CTNS: variants seen among roughly 807,000 people sequenced by gnomAD.
CTNS encodes the protein cystinosin.
CTNS carries 27 observed loss-of-function variants against 43.7 expected under a neutral mutation model. That is an observed-to-expected ratio of 0.62 (90% CI 0.46 to 0.85). CTNS has a LOEUF of 0.85. Among genes scored for constraint, CTNS ranks in the 40% least tolerant of loss-of-function variants. The pLI is 0.00. For missense variants in CTNS, 457 were observed against 475.4 expected, an observed-to-expected ratio of 0.96 and a Z score of 0.36; for synonymous variants, 187 against 190.6, an observed-to-expected ratio of 0.98 and a Z score of 0.16.
rs548772179 is a variant in CTNS, at chr17:3,656,581, A to C, written c.556A>C (p.Ile186Leu). The part of the protein sequence containing the change: ...FNIGLLWVPY[I>L]KEQFLLKYPN... ...CATCGGCCTCCTCTGGGTGCCCTAC[A>C]TCAAGGTACGGCCTTGCCTGCCCTA... Residue 186 changes from isoleucine to leucine, a missense_variant, in exon 8 of 12, where the codon ATC (isoleucine) becomes CTC (leucine). Transcript: ENST00000046640. The C allele has an allele frequency of 6.0e-5, 96 of 1,610,888 alleles. No individual in the cohort carries two copies. Among genetic ancestry groups the C allele is most frequent in the Non-Finnish European group, 8.0e-5 (94 of 1,179,232 alleles).
At chr17:3,649,161 C>T (rs917369351) in intron 5 of CTNS, among the ~76,000 whole-genome samples, 1 of 152,102 alleles carries the variant, frequency 6.6e-6, no homozygotes, top group Non-Finnish European at 1.5e-5. Context: ...GGAATGTAAA[C>T]GTTCTTACCG....
In CTNS at chr17:3,660,370, C is replaced by G; in HGVS notation, c.*1C>G. 1 of 1,614,174 alleles carries G rather than the reference C, an allele frequency of 6.2e-7. No homozygotes were observed. Among genetic ancestry groups the G allele is most frequent in the Middle Eastern group, 1.6e-4 (1 of 6,062 alleles). On this transcript the variant is annotated 3_prime_UTR_variant, in exon 12 of 12. Transcript: ENST00000046640. Reference sequence around the variant, plus strand: ...ACCGGGGTATGACCAGCTGAACTAGCACCCAGGGACCCAGTGTACCCAGCC... The same window carrying G: ...ACCGGGGTATGACCAGCTGAACTAGGACCCAGGGACCCAGTGTACCCAGCC...
chr17:3,638,603 C>T (rs558103346), intron 2 of CTNS, among the ~76,000 whole-genome samples: 4 of 152,306 alleles, frequency 2.6e-5, no homozygotes, highest in South Asian at 2.1e-4. Context: ...CTGCTGGCAT[C>T]GTTCCTCCAG....
intron 11 of CTNS, 113 bp downstream of exon 11, chr17:3,660,088 C>T: frequency 6.9e-7 from 1 of 1,446,628 alleles, no homozygotes; most frequent in Non-Finnish European, 9.7e-7. Context: ...CAAGCCAATC[C>T]AGCCCCCAAG....
intron 8 of CTNS, 27 bp from the exon 9 acceptor site, chr17:3,656,649 A>G: frequency 6.2e-7 from 1 of 1,611,692 alleles, no homozygotes; most frequent in Non-Finnish European, 8.5e-7. Flanking sequence ...GCCCCTCACC[A>G]CCCAGCTTCT....
chr17:3,638,286 G>A (rs1298043325), intron 2 of CTNS, among the ~76,000 whole-genome samples: 1 of 151,136 alleles, frequency 6.6e-6, no homozygotes, highest in African/African-American at 2.4e-5. Flanking sequence ...CACTCAGGCT[G>A]GAGTGCAATG....
Position 3,662,234 on chromosome 17 carries a change from C to A in CTNS, c.*1865C>A, listed in dbSNP as rs1418485463. On this transcript the variant is annotated 3_prime_UTR_variant, in exon 12 of 12. Transcript: ENST00000046640. ...GCTGAGGCAGGAGAATTACTTGAAC[C>A]CAGGAGGCGGAGGTTGCAGTGAGCG... is the stretch of plus-strand genomic sequence containing the variant. Among the ~76,000 whole-genome samples, 3 of 152,030 alleles carry A rather than the reference C, an allele frequency of 2.0e-5. No individual in the cohort carries two copies. The highest frequency in any genetic ancestry group is 4.4e-5 in the Non-Finnish European group (3 of 68,022).
Position 3,651,973 on chromosome 17 carries a change from C to CAAAAAAAAAA in CTNS, c.226-3016_226-3015insAAAAAAAAAA, listed in dbSNP as rs111244009. The stretch of plus-strand genomic sequence containing the variant: ...TGGGTGACAGAATGAGACCCTGTCT[C>CAAAAAAAAAA]AAAAAAAAAGAAAAGAAAAGAAAAG... On this transcript the variant is annotated intron_variant, in intron 5 of 11. Coordinates refer to ENST00000046640, the MANE Select transcript of CTNS (RefSeq NM_004937.3). Among the ~76,000 whole-genome samples the CAAAAAAAAAA allele has an allele frequency of 5.1e-5, 6 of 117,758 alleles. 1 individual carries two copies. The highest frequency in any genetic ancestry group is 2.5e-4 in the East Asian group (1 of 4,036). 77.3% of individuals were successfully genotyped at this position (117,758 alleles called of 152,430 possible).
chr17:3,651,038 G>C (rs1037675394), intron 5 of CTNS, among the ~76,000 whole-genome samples: 1 of 151,830 alleles, frequency 6.6e-6, no homozygotes, highest in Non-Finnish European at 1.5e-5. Context: ...CCTGACCTGA[G>C]GTGATCCACC....
chr17:3,657,048 T>G, intron 9 of CTNS: 1 of 529,398 alleles, frequency 1.9e-6, no homozygotes, highest in Non-Finnish European at 3.4e-6. Context: ...AGACAGCTCA[T>G]GGAGGAGTGC....
intron 5 of CTNS, among the ~76,000 whole-genome samples, chr17:3,654,471 C>T (rs1043655113): frequency 1.3e-4 from 20 of 151,722 alleles, no homozygotes; most frequent in African/African-American, 3.9e-4. Context: ...GTCAGGAGTT[C>T]GAGACCAGCC....
At chr17:3,643,706 G>A (rs2075775755) in intron 3 of CTNS, among the ~76,000 whole-genome samples, 1 of 152,058 alleles carries the variant, frequency 6.6e-6, no homozygotes, top group Non-Finnish European at 1.5e-5. Context: ...AGCTGGGTTT[G>A]TAGACGTGCG....
rs1205617328 is a variant in CTNS at position 3,655,264 on chromosome 17, A to G, written c.373A>G (p.Ile125Val). ...TGTGATCCGCAGCAGCGCCATTAGC[A>G]TCATAAACCAGGTGATTGGCTGGAT... ...FLVIRSSAIS[I>V]INQVIGWIYF... Residue 125 changes from isoleucine to valine, a missense_variant, in exon 7 of 12, where the codon ATC becomes GTC. Coordinates refer to ENST00000046640, the MANE Select transcript of CTNS (RefSeq NM_004937.3). The G allele has an allele frequency of 6.2e-7, 1 of 1,614,100 alleles. No homozygotes were observed. Among genetic ancestry groups the G allele is most frequent in the Non-Finnish European group, 8.5e-7 (1 of 1,180,052 alleles).
intron 6 of CTNS, 27 bp from the exon 7 acceptor site, chr17:3,655,194 C>T (rs574732241): frequency 3.0e-5 from 48 of 1,614,150 alleles, no homozygotes; most frequent in Admixed American, 1.8e-4. Context: ...AGCCTCAGCT[C>T]ATCCCGGTCC....
intron 4 of CTNS, among the ~76,000 whole-genome samples, chr17:3,648,292 CT>C (rs1356400418): frequency 1.3e-5 from 2 of 152,212 alleles, no homozygotes; most frequent in African/African-American, 4.8e-5. Context: ...TACAAGTCAT[CT>C]CTTACCACAA....
chr17:3,642,082 T>TGTGTGC (rs1425642319), intron 3 of CTNS, among the ~76,000 whole-genome samples: 16 of 136,242 alleles, frequency 1.2e-4, no homozygotes, highest in East Asian at 2.0e-4. Context: ...TGTGTGTGTG[T>TGTGTGC]GCCTGGGCGT....
At position 3,655,501 on chromosome 17, in the gene CTNS, G is replaced by C. The variant is rs554151855; in HGVS notation, c.461+149G>C. The C allele has an allele frequency of 2.5e-6, 3 of 1,192,120 alleles. No homozygotes were observed. In the East Asian group the frequency reaches 7.2e-5, roughly 28 times the overall value. 73.8% of individuals were successfully genotyped at this position (1,192,120 alleles called of 1,614,324 possible). On this transcript the variant is annotated intron_variant, in intron 7 of 11. Transcript: ENST00000046640. ...GAAAGTTGTCCCAGTGCGAAGGCTC[G>C]GAGAGCCTGGGTCGGATTCCCGTGC...
rs2076245949 is a variant in CTNS at position 3,659,886 on chromosome 17, C to CTG, written c.882_883dup (p.Glu295ValfsTer35). The CTG allele has an allele frequency of 6.2e-7, 1 of 1,613,974 alleles. No homozygotes were observed. The highest frequency in any genetic ancestry group is 1.7e-5 in the Admixed American group (1 of 60,028). ...TACATGAACTTTTACTACAAAAGCA[C>CTG]TGAGGGCTGGAGCATTGGCAACGTG... On this transcript the variant is annotated frameshift_variant, in exon 11 of 12. Transcript: ENST00000046640. LOFTEE classifies it high-confidence loss of function.
chr17:3,644,114 A>G (rs1286713988), intron 3 of CTNS, among the ~76,000 whole-genome samples: 1 of 152,224 alleles, frequency 6.6e-6, no homozygotes, highest in African/African-American at 2.4e-5. Flanking sequence ...GGCTAAAAAT[A>G]TCCTGCAGTT....
Sources: allele counts gnomAD v4.1 joint callset (sites outside exome capture counted in the v4.1 genomes callset), GRCh38; gene constraint gnomAD v4.1.1; transcripts MANE v1.5; gene names NCBI Gene and HGNC (gene_info 2026-07-23, HGNC 2026-07-21).